PDSS2: variants seen among roughly 807,000 people sequenced by gnomAD.
The protein encoded by PDSS2 is all trans-polyprenyl-diphosphate synthase PDSS2.
Under a neutral mutation model 44.5 loss-of-function variants are expected in PDSS2, and 31 were observed. The observed-to-expected ratio is 0.70, with a 90% CI of 0.52 to 0.94. The LOEUF (loss-of-function observed/expected upper bound fraction) is 0.94, where lower values mean the gene tolerates loss of function less well. Ranked by LOEUF, PDSS2 falls within the 40% of genes least tolerant of loss-of-function variation. The pLI is 0.00. For synonymous variants in PDSS2, 157 were observed against 180.3 expected (o/e 0.87, Z 1.03); for missense variants, 452 against 482.2 (o/e 0.94, Z 0.59).
Position 107,154,247 on chromosome 6 carries a change from CT to C in PDSS2, c.*371del. On this transcript the variant is annotated 3_prime_UTR_variant, in exon 8 of 8. Coordinates refer to ENST00000369037, the MANE Select transcript of PDSS2 (RefSeq NM_020381.4). ...TTCTCTTGACACCTGCAGCTTCCAACTTGCTTTGTCCTCTCTAGCAGGAAAA... is the reference window on the plus strand; with the variant it reads ...TTCTCTTGACACCTGCAGCTTCCAACTGCTTTGTCCTCTCTAGCAGGAAAA... 3.4e-6 allele frequency: 1 copy of C among 290,698 alleles called. No homozygotes were observed. Among genetic ancestry groups the C allele is most frequent in the Non-Finnish European group, 6.6e-6 (1 of 151,250 alleles). The allele number at this position is 290,698 out of a possible 1,614,324, so 18.0% of individuals were successfully genotyped here.
At chr6:107,326,810 C>T (rs573782825) in intron 2 of PDSS2, among the ~76,000 whole-genome samples, 3 of 151,804 alleles carry the variant, frequency 2.0e-5, no homozygotes, top group East Asian at 3.9e-4. Context: ...CGAGATCATG[C>T]CATTGCACTA....
intron 7 of PDSS2, among the ~76,000 whole-genome samples, chr6:107,157,732 G>A (rs1486401312): frequency 2.6e-5 from 4 of 151,350 alleles, no homozygotes; most frequent in Non-Finnish European, 5.9e-5. Flanking sequence ...GTGCAATGGC[G>A]CGATCTTGGC....
chr6:107,186,526 C>A (rs1194588393), intron 7 of PDSS2, among the ~76,000 whole-genome samples: 1 of 151,922 alleles, frequency 6.6e-6, no homozygotes, highest in Admixed American at 6.6e-5. Context: ...ATGTGCAGAA[C>A]GTGCAGGTTT....
rs117378042 is a variant in PDSS2 at position 107,308,071 on chromosome 6, G to A, written c.431+26127C>T. Among the ~76,000 whole-genome samples, 709 of 152,232 alleles carry A rather than the reference G, an allele frequency of 4.7e-3. 7 individuals are homozygous for A. The highest frequency in any genetic ancestry group is 7.8e-3 in the Non-Finnish European group (529 of 68,024). ...TTTAGAAGTCAAAGATGAGCACAAC[G>A]TACTAAGAAAGGAGAAAGAATAATT... On this transcript the variant is annotated intron_variant, in intron 2 of 7. Coordinates refer to ENST00000369037, the MANE Select transcript of PDSS2 (RefSeq NM_020381.4).
chr6:107,335,004 A>T (rs1357026286), intron 1 of PDSS2, among the ~76,000 whole-genome samples: 2 of 151,858 alleles, frequency 1.3e-5, no homozygotes, highest in African/African-American at 4.8e-5. Flanking sequence ...ATAGAAAAAT[A>T]AGCTGGGCAT....
intron 1 of PDSS2, among the ~76,000 whole-genome samples, chr6:107,427,364 A>G (rs1781037618): frequency 6.6e-6 from 1 of 152,172 alleles, no homozygotes; most frequent in African/African-American, 2.4e-5. Context: ...AGTCCATTAC[A>G]TCTTTTTTTC....
At chr6:107,226,840 T>G (rs971484114) in intron 4 of PDSS2, among the ~76,000 whole-genome samples, 1 of 150,288 alleles carries the variant, frequency 6.7e-6, no homozygotes, top group African/African-American at 2.5e-5. Flanking sequence ...TAGCTAATTT[T>G]TTCTGTATTT....
rs866805480 is a variant in PDSS2, at chr6:107,402,535, A to T, written c.296+56455T>A. ...ACACACACATATATACATACATTTTATATATATATATATATATAAAAATAT... is the reference window on the plus strand; with the variant it reads ...ACACACACATATATACATACATTTTTTATATATATATATATATAAAAATAT... On this transcript the variant is annotated intron_variant, in intron 1 of 7. Coordinates refer to ENST00000369037, the MANE Select transcript of PDSS2 (RefSeq NM_020381.4). Among the ~76,000 whole-genome samples the T allele has an allele frequency of 5.7e-3, 59 of 10,428 alleles. 2 individuals are homozygous for T. The highest frequency in any genetic ancestry group is 0.013 in the African/African-American group (52 of 4,026). 6.8% of individuals were successfully genotyped at this position (10,428 alleles called of 152,430 possible).
At chr6:107,268,030 A>G (rs1054462248) in intron 3 of PDSS2, among the ~76,000 whole-genome samples, 10 of 152,174 alleles carry the variant, frequency 6.6e-5, no homozygotes, top group African/African-American at 2.2e-4. Context: ...TCATGAGTAT[A>G]TGTGCTAGCC....
chr6:107,343,905 CTTGA>C (rs1369079358), intron 1 of PDSS2, among the ~76,000 whole-genome samples: 2 of 152,220 alleles, frequency 1.3e-5, no homozygotes, highest in Non-Finnish European at 2.9e-5. Context: ...CAACAAATTT[CTTGA>C]TTAAGGGTGA....
intron 2 of PDSS2, among the ~76,000 whole-genome samples, chr6:107,312,603 A>G (rs1221082179): frequency 6.6e-6 from 1 of 152,186 alleles, no homozygotes; most frequent in Admixed American, 6.5e-5. Context: ...TGACACATGT[A>G]AGAAAACTGA....
chr6:107,307,384 G>A (rs1776893961), intron 2 of PDSS2, among the ~76,000 whole-genome samples: 2 of 152,128 alleles, frequency 1.3e-5, no homozygotes, highest in Non-Finnish European at 2.9e-5. Context: ...ATAGAACTAC[G>A]CATTCAAATC....
At chr6:107,431,570 C>T (rs1012500967) in intron 1 of PDSS2, among the ~76,000 whole-genome samples, 2 of 152,076 alleles carry the variant, frequency 1.3e-5, no homozygotes, top group Non-Finnish European at 2.9e-5. Context: ...TTTCTAATAA[C>T]AATCATAATA....
intron 1 of PDSS2, among the ~76,000 whole-genome samples, chr6:107,406,074 C>T (rs1331229230): frequency 6.6e-6 from 1 of 152,008 alleles, no homozygotes; most frequent in Non-Finnish European, 1.5e-5. Context: ...TTTAATAAAA[C>T]AAAATCAGTA....
intron 4 of PDSS2, among the ~76,000 whole-genome samples, chr6:107,221,134 A>T (rs1773588600): frequency 6.6e-6 from 1 of 152,184 alleles, no homozygotes; most frequent in Non-Finnish European, 1.5e-5. Context: ...CGAGGTCAGG[A>T]GATTGAGACC....
intron 3 of PDSS2, among the ~76,000 whole-genome samples, chr6:107,260,227 T>C (rs1286336806): frequency 1.3e-5 from 2 of 152,222 alleles, no homozygotes; most frequent in Admixed American, 1.3e-4. Context: ...ACATAAGTCC[T>C]CCAGTAGGTC....
At chr6:107,260,658 A>ATTTTTT (rs540553793) in intron 3 of PDSS2, among the ~76,000 whole-genome samples, 4 of 93,416 alleles carry the variant, frequency 4.3e-5, no homozygotes, top group Middle Eastern at 6.7e-3. Flanking sequence ...TTCCCCCTTC[A>ATTTTTT]TTTTTTTTTT....
chr6:107,407,417 T>C (rs1490469577), intron 1 of PDSS2, among the ~76,000 whole-genome samples: 8 of 152,174 alleles, frequency 5.3e-5, no homozygotes, highest in African/African-American at 1.9e-4. Flanking sequence ...CATATAAACA[T>C]AGTTAACATG....
chr6:107,203,829 A>G (rs1052842521), intron 6 of PDSS2, among the ~76,000 whole-genome samples: 1 of 151,596 alleles, frequency 6.6e-6, no homozygotes, highest in Admixed American at 6.6e-5. Flanking sequence ...CCTCTCCCCA[A>G]CCCTGGGCAA....
Sources: gnomAD v4.1 joint callset for allele counts (sites outside exome capture counted in the v4.1 genomes callset) on GRCh38, gnomAD v4.1.1 for gene constraint, MANE v1.5 for transcripts, NCBI Gene and HGNC (gene_info 2026-07-23, HGNC 2026-07-21) for gene names.